Variants in ITCH observed in about 807,000 individuals in gnomAD.
The protein encoded by ITCH is E3 ubiquitin-protein ligase Itchy homolog.
In ITCH, 28 loss-of-function variants were observed where a neutral mutation model predicts 126.8. The ratio of observed to expected loss-of-function variants is 0.22; its 90% CI spans 0.16 to 0.30. The LOEUF is 0.30. ITCH is among the 10% of genes least tolerant of loss of function. The probability of loss-of-function intolerance (pLI) is 1.00; values close to 1 mark genes in which losing one functional copy is unlikely to be tolerated. For missense variants in ITCH, 631 were observed against 1,032.4 expected (o/e 0.61, Z 5.33); for synonymous variants, 342 against 340.0 (o/e 1.01, Z -0.06).
Position 34,410,611 on chromosome 20 carries a change from G to C in ITCH, c.212+1819G>C, listed in dbSNP as rs184429200. Among the ~76,000 whole-genome samples the C allele has an allele frequency of 8.5e-5, 13 of 152,256 alleles. No homozygotes were observed. The East Asian group carries it at 2.3e-3, about 27-fold the overall frequency. On this transcript the variant is annotated intron_variant, in intron 4 of 24. Coordinates refer to ENST00000374864, the MANE Select transcript of ITCH (RefSeq NM_031483.7). ...CAATCCCAGCTACTTGGGAGGATAA[G>C]GGGGGAGGATAAGGTGCTTTAGCCC... is the stretch of plus-strand genomic sequence containing the variant.
intron 20 of ITCH, among the ~76,000 whole-genome samples, chr20:34,486,896 G>A (rs1208218184): frequency 2.0e-5 from 3 of 150,624 alleles, no homozygotes; most frequent in Non-Finnish European, 4.4e-5. Flanking sequence ...TGCCCAGGCT[G>A]GTCTTGAACT....
At chr20:34,503,005 C>CT (rs1472798372) in intron 23 of ITCH, among the ~76,000 whole-genome samples, 1 of 152,142 alleles carries the variant, frequency 6.6e-6, no homozygotes, top group East Asian at 1.9e-4. Flanking sequence ...GAGTGAGACT[C>CT]TGTCTCAAAA....
chr20:34,441,320 T>G (rs571468517), intron 9 of ITCH, among the ~76,000 whole-genome samples: 66 of 152,268 alleles, frequency 4.3e-4, no homozygotes, highest in Non-Finnish European at 4.4e-5. Flanking sequence ...TTCAGAAAAC[T>G]GAGAAAATTT....
chr20:34,490,763 G>GA (rs1330875164), intron 22 of ITCH, among the ~76,000 whole-genome samples: 1 of 152,170 alleles, frequency 6.6e-6, no homozygotes, highest in East Asian at 1.9e-4. Flanking sequence ...CACCACTGTG[G>GA]AAATAGTTTG....
chr20:34,457,462 C>T lies in ITCH; in HGVS notation c.1283C>T (p.Pro428Leu), dbSNP rs1207005752. 1 of 1,606,766 alleles carries T rather than the reference C, an allele frequency of 6.2e-7. No individual in the cohort carries two copies. The highest frequency in any genetic ancestry group is 1.7e-5 in the Admixed American group (1 of 59,958). ...HNTRITQWED[P>L]RSQGQLNEKP... ...ACACGAATTACACAATGGGAAGACC[C>T]CAGAAGTCAAGGGTAAGAATAGTTA... The change falls in exon 13 of 25, where the codon CCC (proline) becomes CTC (leucine). Residue 428 changes from proline to leucine, a missense_variant. Physicochemically the swap from Pro to Leu is moderately conservative, Grantham distance 98. Around this residue, in one of 4 missense-constraint regions of ITCH, gnomAD observed 390 missense variants for 731.6 expected, o/e 0.53. Coordinates refer to ENST00000374864, the MANE Select transcript of ITCH (RefSeq NM_031483.7).
intron 22 of ITCH, 92 bp from the exon 23 acceptor site, chr20:34,492,409 A>T: frequency 1.1e-6 from 1 of 906,808 alleles, no homozygotes; most frequent in Admixed American, 2.0e-5. Flanking sequence ...TCTAAAAAAA[A>T]TAAAAGATTT....
chr20:34,444,599 G>GA (rs1204715837), intron 10 of ITCH, among the ~76,000 whole-genome samples: 9 of 151,950 alleles, frequency 5.9e-5, no homozygotes, highest in Non-Finnish European at 1.3e-4. Context: ...AAAAAAAAAA[G>GA]ATAGGAAGTT....
chr20:34,379,788 A>G (rs1022250577), intron 2 of ITCH, among the ~76,000 whole-genome samples: 3 of 151,328 alleles, frequency 2.0e-5, no homozygotes, highest in Non-Finnish European at 2.9e-5. Flanking sequence ...TAGTAGAGAC[A>G]GGGTTTCACT....
intron 6 of ITCH, among the ~76,000 whole-genome samples, chr20:34,419,842 CT>C (rs1272435512): frequency 6.6e-6 from 1 of 152,082 alleles, no homozygotes; most frequent in East Asian, 1.9e-4. Context: ...AGGCCATTCA[CT>C]TTTACTGCTG....
chr20:34,395,979 T>C (rs561231927), intron 3 of ITCH, among the ~76,000 whole-genome samples: 22 of 152,068 alleles, frequency 1.4e-4, no homozygotes, highest in African/African-American at 5.3e-4. Context: ...ATTCCTAGGT[T>C]ATATGGAATC....
intron 2 of ITCH, among the ~76,000 whole-genome samples, chr20:34,369,818 A>G (rs1479011219): frequency 6.6e-6 from 1 of 152,154 alleles, no homozygotes; most frequent in African/African-American, 2.4e-5. Flanking sequence ...AAAGAAGACA[A>G]CATGGCCAGG....
At position 34,410,657 on chromosome 20, in the gene ITCH, C is replaced by G. The variant is rs117016628; in HGVS notation, c.213-1858C>G. Among the ~76,000 whole-genome samples the G allele has an allele frequency of 7.9e-5, 12 of 152,208 alleles. No individual in the cohort carries two copies. In the South Asian group the frequency reaches 2.5e-3, roughly 32 times the overall value. On this transcript the variant is annotated intron_variant, in intron 4 of 24. Coordinates refer to ENST00000374864, the MANE Select transcript of ITCH (RefSeq NM_031483.7). ...AGCCCAGGAGGAGTTCGAGATTAAC[C>G]AGGGCAAAGTAGCGAGTTCCCATCT...
Position 34,401,625 on chromosome 20 carries a change from G to A in ITCH, c.71-7026G>A. 4 of 982,406 alleles carry A rather than the reference G, an allele frequency of 4.1e-6. No individual in the cohort carries two copies. In the South Asian group the frequency reaches 1.9e-4, roughly 46 times the overall value. 60.9% of individuals were successfully genotyped at this position (982,406 alleles called of 1,614,324 possible). A position where few individuals can be genotyped will look rare whatever the true frequency, so the allele number is the denominator to read the frequency against. On this transcript the variant is annotated intron_variant, in intron 3 of 24. Coordinates refer to ENST00000374864, the MANE Select transcript of ITCH (RefSeq NM_031483.7). ...CTCCTTCCTAAAAGCCCCAGATGGG[G>A]AACATGTTTTCTCAACTAGACCTAG...
intron 24 of ITCH, among the ~76,000 whole-genome samples, chr20:34,506,140 T>C (rs998102225): frequency 1.3e-5 from 2 of 152,070 alleles, no homozygotes; most frequent in Non-Finnish European, 2.9e-5. Flanking sequence ...TCTCCACTCA[T>C]GCACCCTCCA....
At chr20:34,498,634 T>C (rs1990039632) in intron 23 of ITCH, among the ~76,000 whole-genome samples, 1 of 152,234 alleles carries the variant, frequency 6.6e-6, no homozygotes, top group African/African-American at 2.4e-5. Context: ...GTTATGTTCA[T>C]TGATTTGTAT....
At chr20:34,425,777 C>T (rs1269376998) in intron 7 of ITCH, among the ~76,000 whole-genome samples, 2 of 152,200 alleles carry the variant, frequency 1.3e-5, no homozygotes, top group Non-Finnish European at 2.9e-5. Flanking sequence ...GTTGCCCTGC[C>T]ACACTCCCCT....
intron 14 of ITCH, among the ~76,000 whole-genome samples, chr20:34,466,913 A>T (rs1280493946): frequency 1.3e-5 from 2 of 152,190 alleles, no homozygotes; most frequent in South Asian, 4.1e-4. Flanking sequence ...ACCTAAAGTA[A>T]GTACAAGAAA....
At chr20:34,374,050 A>C (rs572356807) in intron 2 of ITCH, among the ~76,000 whole-genome samples, 1 of 152,122 alleles carries the variant, frequency 6.6e-6, no homozygotes, top group African/African-American at 2.4e-5. Flanking sequence ...ACGCCTGGCT[A>C]ATTTTTTGTA....
At chr20:34,383,437 G>A (rs902779904) in intron 2 of ITCH, among the ~76,000 whole-genome samples, 1 of 149,556 alleles carries the variant, frequency 6.7e-6, no homozygotes, top group Non-Finnish European at 1.5e-5. Flanking sequence ...TGCAATCTTG[G>A]CTCACTGCAA....
Sources: gnomAD v4.1 joint callset for allele counts (sites outside exome capture counted in the v4.1 genomes callset) on GRCh38, gnomAD v4.1.1 for gene constraint, gnomAD v4.1.1 regional missense constraint, MANE v1.5 for transcripts, NCBI Gene and HGNC (gene_info 2026-07-23, HGNC 2026-07-21) for gene names.